Variants in BDH1 observed in about 807,000 individuals in gnomAD.
BDH1 encodes 3-hydroxybutyrate dehydrogenase 1, also known as D-beta-hydroxybutyrate dehydrogenase, mitochondrial.
BDH1 carries 30 observed loss-of-function variants against 33.1 expected under a neutral mutation model. That is an observed-to-expected ratio of 0.91 (90% CI 0.68 to 1.23). The LOEUF (loss-of-function observed/expected upper bound fraction) is 1.23. BDH1 is among the 50% of genes most tolerant of loss of function. The probability of loss-of-function intolerance (pLI) is 0.00; values close to 1 mark genes in which losing one functional copy is unlikely to be tolerated. For synonymous variants in BDH1, 190 were observed against 183.6 expected, an observed-to-expected ratio of 1.03 and a Z score of -0.28; for missense variants, 443 against 464.4, an observed-to-expected ratio of 0.95 and a Z score of 0.42.
At chr3:197,570,470 G>A (rs1717571763) in intron 1 of BDH1, among the ~76,000 whole-genome samples, 1 of 152,216 alleles carries the variant, frequency 6.6e-6, no homozygotes, top group African/African-American at 2.4e-5. Context: ...CAGGCCTATA[G>A]GCCTAGAAGG....
upstream of BDH1, among the ~76,000 whole-genome samples, chr3:197,559,830 A>G (rs917992638): frequency 3.9e-5 from 6 of 152,234 alleles, no homozygotes; most frequent in African/African-American, 1.4e-4. Context: ...CCCACCTTCA[A>G]CCTTTCCCCA....
chr3:197,559,197 A>G (rs1466289940), upstream of BDH1, among the ~76,000 whole-genome samples: 1 of 151,964 alleles, frequency 6.6e-6, no homozygotes, highest in African/African-American at 2.4e-5. Context: ...ATGGGGTTTC[A>G]CCATGTTGGC....
chr3:197,542,293 C>G (rs1368778914), intron 3 of BDH1, among the ~76,000 whole-genome samples: 1 of 152,220 alleles, frequency 6.6e-6, no homozygotes, highest in East Asian at 1.9e-4. Flanking sequence ...AATCCCAGCT[C>G]ATACACTGGT....
intron 1 of BDH1, among the ~76,000 whole-genome samples, chr3:197,567,338 A>G (rs1006093904): frequency 4.6e-5 from 7 of 152,188 alleles, no homozygotes; most frequent in African/African-American, 1.7e-4. Context: ...CTTAGGGCCA[A>G]CCTGCCTCCC....
chr3:197,561,688 C>T (rs867286809), intron 1 of BDH1, among the ~76,000 whole-genome samples: 1 of 152,204 alleles, frequency 6.6e-6, no homozygotes, highest in South Asian at 2.1e-4. Flanking sequence ...ACCTACTCTT[C>T]CAGACTTGGT....
At chr3:197,571,245 A>G (rs1362254625) in intron 1 of BDH1, among the ~76,000 whole-genome samples, 9 of 152,190 alleles carry the variant, frequency 5.9e-5, no homozygotes, top group Admixed American at 5.9e-4. Flanking sequence ...TAGGCTCATA[A>G]GTGGAAGAGA....
At position 197,522,728 on chromosome 3, in the gene BDH1, C is replaced by G; in HGVS notation, c.321G>C (p.Leu107Phe). Residue 107 changes from leucine to phenylalanine, a missense_variant, in exon 6 of 8, where the codon TTG becomes TTC. Physicochemically the swap from Leu to Phe is conservative, Grantham distance 22 (BLOSUM62 0). Transcript: ENST00000392379. This position sits in a 1 kb window ranked among gnomAD's most constrained non-coding sequence, Gnocchi z 4.8. Reference protein sequence around the residue: ...KELDSLNSDRLRTVQLNVCSS... With the variant: ...KELDSLNSDRFRTVQLNVCSS... ...TGCAGACATTGAGCTGGACGGTTCT[C>G]AATCGGTCACTGTTTAGGCTGTCCA... 1 of 1,614,178 alleles carries G rather than the reference C, an allele frequency of 6.2e-7. No individual in the cohort carries two copies. Among genetic ancestry groups the G allele is most frequent in the Non-Finnish European group, 8.5e-7 (1 of 1,180,028 alleles).
chr3:197,515,556 C>T, intron 6 of BDH1: 1 of 985,638 alleles, frequency 1.0e-6, no homozygotes. Context: ...CTCTCTTTTA[C>T]ACAATTTCAG....
rs374538604 is a variant in BDH1 at position 197,522,635 on chromosome 3, C to T, written c.409+5G>A. On this transcript the variant is annotated splice_donor_5th_base_variant and intron_variant, in intron 6 of 7. Coordinates refer to ENST00000392379, the MANE Select transcript of BDH1 (RefSeq NM_203314.3). This position sits in a 1 kb window ranked among gnomAD's most constrained non-coding sequence, Gnocchi z 4.8. ...CAACCCCTGCCGTCCGAAGGGGCGCCCTACCTTTCTCAGGGTCCTTCAGGC... is the reference window on the plus strand; with the variant it reads ...CAACCCCTGCCGTCCGAAGGGGCGCTCTACCTTTCTCAGGGTCCTTCAGGC... 2.2e-5 allele frequency: 35 copies of T among 1,613,986 alleles called. No individual in the cohort carries two copies. Among genetic ancestry groups the T allele is most frequent in the Non-Finnish European group, 2.6e-5 (31 of 1,180,030 alleles).
chr3:197,545,335 G>A (rs1007037250), intron 3 of BDH1, among the ~76,000 whole-genome samples: 4 of 152,138 alleles, frequency 2.6e-5, no homozygotes, highest in African/African-American at 7.2e-5. Context: ...CAAACGATGC[G>A]GTGAAGGTTT....
At chr3:197,547,835 G>C (rs553315968) in intron 2 of BDH1, among the ~76,000 whole-genome samples, 1 of 151,674 alleles carries the variant, frequency 6.6e-6, no homozygotes, top group Admixed American at 6.5e-5. Context: ...TCCTGCCTCA[G>C]AGTACCGGCT....
chr3:197,515,481 C>T (rs535346165), intron 6 of BDH1: 1 of 985,650 alleles, frequency 1.0e-6, no homozygotes, highest in Non-Finnish European at 1.2e-6. Context: ...AGCAGCAGGC[C>T]ACTCCCCACC....
rs1560298934 is a variant in BDH1 at position 197,511,921 on chromosome 3, T to C, written c.1006A>G (p.Ile336Val). 18 of 1,568,870 alleles carry C rather than the reference T, an allele frequency of 1.1e-5. No individual in the cohort carries two copies. The highest frequency in any genetic ancestry group is 1.6e-5 in the Non-Finnish European group (18 of 1,154,358). Residue 336 changes from isoleucine (I) to valine (V), a missense_variant, in exon 8 of 8, where the codon ATC (isoleucine) becomes GTC (valine). Ile to Val is a conservative substitution (Grantham distance 29). Transcript: ENST00000392379. The stretch of plus-strand genomic sequence containing the variant: ...CAGCGGATGTAGATCATGTCGGAGA[T>C]GGCTCCAGGCAAGTGGGTCATGATC... The part of the protein sequence containing the change: ...MQIMTHLPGA[I>V]SDMIYIR
At position 197,511,979 on chromosome 3, in the gene BDH1, G is replaced by C. The variant is rs1419355850; in HGVS notation, c.948C>G (p.His316Gln). 1.9e-6 allele frequency: 3 copies of C among 1,611,384 alleles called. No homozygotes were observed. Among genetic ancestry groups the C allele is most frequent in the Admixed American group, 3.3e-5 (2 of 59,874 alleles). The change falls in exon 8 of 8, where the codon CAC becomes CAG. Residue 316 changes from histidine (H) to glutamine (Q), a missense_variant. By Grantham distance (24) the His-to-Gln change is conservative. Coordinates refer to ENST00000392379, the MANE Select transcript of BDH1 (RefSeq NM_203314.3). ...LTATTPYTRY[H>Q]PMDYYWWLRM... The stretch of plus-strand genomic sequence containing the variant: ...GCAGCCACCAGTAGTAGTCCATGGG[G>C]TGGTAGCGGGTGTAGGGGGTGGTGG...
chr3:197,549,959 T>C (rs1333562223), intron 2 of BDH1, among the ~76,000 whole-genome samples: 2 of 135,594 alleles, frequency 1.5e-5, no homozygotes, highest in East Asian at 3.9e-4. Context: ...ATATATGCAC[T>C]ATAATCAAAT....
intron 2 of BDH1, among the ~76,000 whole-genome samples, chr3:197,548,351 C>T (rs945646806): frequency 4.6e-5 from 7 of 152,222 alleles, no homozygotes; most frequent in Non-Finnish European, 7.3e-5. Context: ...CTCCAAGACC[C>T]AGGACCAGAG....
rs1411965059 is a variant in BDH1, at chr3:197,525,732, C to A, written c.268-2951G>T. ...AGTTATTCAGAGAAATCTTTCCAAC[C>A]ACCCTCAGCCTGCTGGCTGCAGACT... On this transcript the variant is annotated intron_variant, in intron 5 of 7. Transcript: ENST00000392379. The surrounding 1 kb of genome is among the most constrained non-coding windows in gnomAD (Gnocchi z 4.9). 6.6e-6 allele frequency among the ~76,000 whole-genome samples: 1 copy of A among 152,234 alleles called. No individual in the cohort carries two copies. The highest frequency in any genetic ancestry group is 1.5e-5 in the Non-Finnish European group (1 of 68,050).
rs142304775 is a variant in BDH1 at position 197,542,977 on chromosome 3, G to T, written c.83+3384C>A. On this transcript the variant is annotated intron_variant, in intron 3 of 7. Transcript: ENST00000392379. ...CCAAGGCCCTGTGGAAGAGCCTGCTGTCCTCAGCGCCCTGGTCATCCCGGC... is the reference window on the plus strand; with the variant it reads ...CCAAGGCCCTGTGGAAGAGCCTGCTTTCCTCAGCGCCCTGGTCATCCCGGC... 2.3e-3 allele frequency: 2,301 copies of T among 985,180 alleles called. 1 individual carries two copies. The highest frequency in any genetic ancestry group is 2.7e-3 in the Non-Finnish European group (2,211 of 829,726). 61.0% of individuals were successfully genotyped at this position (985,180 alleles called of 1,614,324 possible).
chr3:197,533,230 G>GC (rs71632223), intron 4 of BDH1, among the ~76,000 whole-genome samples: 14,054 of 151,558 alleles, frequency 0.093, 1,398 homozygotes, highest in African/African-American at 0.25. Flanking sequence ...GGGAGTTCTC[G>GC]CCCCCCACCT....
Sources: allele counts gnomAD v4.1 joint callset (sites outside exome capture counted in the v4.1 genomes callset), GRCh38; gene constraint gnomAD v4.1.1; non-coding constraint Gnocchi (gnomAD v3.1); transcripts MANE v1.5; gene names NCBI Gene and HGNC (gene_info 2026-07-23, HGNC 2026-07-21).